Variants in SLC24A2 observed in about 807,000 individuals in gnomAD.
SLC24A2 encodes the protein solute carrier family 24 member 2.
Under a neutral mutation model 62.0 loss-of-function variants are expected in SLC24A2, and 36 were observed. That is an observed-to-expected ratio of 0.58 (90% CI 0.44 to 0.77). The LOEUF (loss-of-function observed/expected upper bound fraction) is 0.77. Ranked by LOEUF, SLC24A2 falls within the 30% of genes least tolerant of loss-of-function variation. The pLI is 0.00. For missense variants in SLC24A2, 846 were observed against 817.9 expected (o/e 1.03, Z -0.42); for synonymous variants, 358 against 294.0 (o/e 1.22, Z -2.23).
chr9:20,073,874 G>A, the SLC24A2 span, among the ~76,000 whole-genome samples: 18 of 82,796 alleles, frequency 2.2e-4, no homozygotes, highest in African/African-American at 2.6e-4. Context: ...GTATATGTGC[G>A]TGTATATATA....
In SLC24A2 at chr9:19,664,443, A is replaced by G. The variant is rs543625223; in HGVS notation, c.931-42144T>C. Among the ~76,000 whole-genome samples the G allele has an allele frequency of 7.9e-5, 12 of 152,376 alleles. No homozygotes were observed. In the South Asian group the frequency reaches 2.5e-3, roughly 32 times the overall value. ...GACACACATGAAGTCTGATGTTCAC[A>G]GTAACCCTGAAAATTGGATATTAGC... On this transcript the variant is annotated intron_variant, in intron 2 of 10. Coordinates refer to ENST00000341998, the MANE Select transcript of SLC24A2 (RefSeq NM_020344.4).
At chr9:19,913,639 T>G in the SLC24A2 span, among the ~76,000 whole-genome samples, 1 of 152,138 alleles carries the variant, frequency 6.6e-6, no homozygotes, top group South Asian at 2.1e-4. Context: ...AGCAAGCCTA[T>G]GCTTTATTGC....
chr9:19,926,594 CAAA>C, the SLC24A2 span: 1 of 150,744 alleles, frequency 6.6e-6, no homozygotes, highest in South Asian at 2.1e-4. Flanking sequence ...AAAAGAAAAA[CAAA>C]AGAAAGAAGG....
intron 2 of SLC24A2, among the ~76,000 whole-genome samples, chr9:19,674,453 A>G (rs907921211): frequency 2.0e-5 from 3 of 152,188 alleles, no homozygotes; most frequent in African/African-American, 4.8e-5. Context: ...TATCCCCTCA[A>G]ATATGTTTTC....
chr9:20,291,117 G>C, the SLC24A2 span, among the ~76,000 whole-genome samples: 1 of 152,028 alleles, frequency 6.6e-6, no homozygotes, highest in Non-Finnish European at 1.5e-5. Context: ...AGGAGCATAC[G>C]GAAGTCATGA....
chr9:20,276,402 G>A, the SLC24A2 span, among the ~76,000 whole-genome samples: 1 of 152,208 alleles, frequency 6.6e-6, no homozygotes, highest in African/African-American at 2.4e-5. Context: ...TCTTGGTCAC[G>A]CTGATGCAAG....
chr9:19,892,369 G>T, the SLC24A2 span, among the ~76,000 whole-genome samples: 1 of 151,988 alleles, frequency 6.6e-6, no homozygotes, highest in Non-Finnish European at 1.5e-5. Context: ...TCAGTGTTTT[G>T]TGTCTGTTTT....
the SLC24A2 span, among the ~76,000 whole-genome samples, chr9:19,861,379 T>G: frequency 6.6e-5 from 10 of 152,358 alleles, no homozygotes; most frequent in African/African-American, 2.2e-4. Flanking sequence ...ACAGCACTAC[T>G]GGGCTTGGGG....
chr9:19,820,232 C>A, the SLC24A2 span, among the ~76,000 whole-genome samples: 625 of 148,896 alleles, frequency 4.2e-3, 3 homozygotes, highest in African/African-American at 0.014. Flanking sequence ...GAAAGCTAAG[C>A]TGTGAGGACG....
intron 2 of SLC24A2, among the ~76,000 whole-genome samples, chr9:19,775,155 CT>C (rs1822809265): frequency 6.6e-6 from 1 of 152,198 alleles, no homozygotes; most frequent in South Asian, 2.1e-4. Flanking sequence ...CGCCCAGATC[CT>C]TTCCAAACCC....
intron 2 of SLC24A2, among the ~76,000 whole-genome samples, chr9:19,680,400 C>T (rs551485890): frequency 1.3e-5 from 2 of 152,178 alleles, no homozygotes; most frequent in African/African-American, 4.8e-5. Flanking sequence ...AAACCCACTG[C>T]CCAAAGGCTG....
At chr9:19,657,263 T>C (rs190772228) in intron 2 of SLC24A2, among the ~76,000 whole-genome samples, 3 of 152,312 alleles carry the variant, frequency 2.0e-5, no homozygotes, top group Admixed American at 2.0e-4. Flanking sequence ...CCACCATTAT[T>C]GTTTTAAATC....
the SLC24A2 span, among the ~76,000 whole-genome samples, chr9:20,112,241 G>A: frequency 3.9e-5 from 6 of 152,114 alleles, no homozygotes; most frequent in Admixed American, 1.3e-4. Flanking sequence ...AGAACATTTC[G>A]TCAAAGTAAG....
the SLC24A2 span, among the ~76,000 whole-genome samples, chr9:20,010,047 T>G: frequency 6.6e-6 from 1 of 152,168 alleles, no homozygotes; most frequent in African/African-American, 2.4e-5. Flanking sequence ...ATAATTTCAG[T>G]GCCCAGCCAG....
At chr9:20,102,037 G>C in the SLC24A2 span, among the ~76,000 whole-genome samples, 3 of 152,142 alleles carry the variant, frequency 2.0e-5, no homozygotes, top group Non-Finnish European at 2.9e-5. Context: ...GCAAGCTCTT[G>C]TGTTTACAAT....
chr9:19,869,157 T>C, the SLC24A2 span, among the ~76,000 whole-genome samples: 1 of 152,064 alleles, frequency 6.6e-6, no homozygotes, highest in East Asian at 1.9e-4. Flanking sequence ...AATTTTTTAT[T>C]ATTAGTGGAG....
chr9:19,821,666 A>G, the SLC24A2 span, among the ~76,000 whole-genome samples: 1 of 152,130 alleles, frequency 6.6e-6, no homozygotes, highest in Non-Finnish European at 1.5e-5. Context: ...GAATTTTTAA[A>G]TGCCATCCTC....
the SLC24A2 span, among the ~76,000 whole-genome samples, chr9:20,067,111 T>G: frequency 2.6e-5 from 4 of 152,236 alleles, no homozygotes; most frequent in African/African-American, 9.6e-5. Flanking sequence ...ACAGATGTTA[T>G]TTTAGATTTT....
At chr9:20,034,480 G>A in the SLC24A2 span, among the ~76,000 whole-genome samples, 31 of 89,288 alleles carry the variant, frequency 3.5e-4, 1 homozygote, top group African/African-American at 1.4e-3. Flanking sequence ...TTTTTTTTGA[G>A]ACGGAGTCTC....
Sources: gnomAD v4.1 joint callset for allele counts (sites outside exome capture counted in the v4.1 genomes callset) on GRCh38, gnomAD v4.1.1 for gene constraint, MANE v1.5 for transcripts, NCBI Gene and HGNC (gene_info 2026-07-23, HGNC 2026-07-21) for gene names.